GFRA2: variants seen among roughly 807,000 people sequenced by gnomAD.
GFRA2 encodes the protein GDNF family receptor alpha 2.
GFRA2 carries 17 observed loss-of-function variants against 48.3 expected under a neutral mutation model. The observed-to-expected ratio is 0.35, with a 90% confidence interval of 0.24 to 0.53. GFRA2 has a LOEUF of 0.53. GFRA2 is among the 20% of genes least tolerant of loss of function. The pLI is 0.93. For synonymous variants in GFRA2, 305 were observed against 257.2 expected (o/e 1.19, Z -1.78); for missense variants, 660 against 637.3 (o/e 1.04, Z -0.38).
At chr8:21,758,509 C>T (rs945816589) in intron 3 of GFRA2, among the ~76,000 whole-genome samples, 3 of 152,118 alleles carry the variant, frequency 2.0e-5, no homozygotes, top group East Asian at 1.9e-4. Flanking sequence ...CTGCAGTGTC[C>T]GTCCCTGAGC....
intron 3 of GFRA2, among the ~76,000 whole-genome samples, chr8:21,755,187 A>C (rs1156305013): frequency 6.6e-6 from 1 of 152,176 alleles, no homozygotes; most frequent in Non-Finnish European, 1.5e-5. Context: ...TACAACACCA[A>C]GAGTGAACTC....
rs1205312282 is a variant in GFRA2, at chr8:21,706,439, C to G, written c.795-398G>C. ...GGCTGCAGCCCTGGATGAGCCTGCC[C>G]AAGTCCTTCAACCCGGCACTGCAAA... On this transcript the variant is annotated intron_variant, in intron 4 of 8. Transcript: ENST00000524240. 2.6e-5 allele frequency: 12 copies of G among 461,838 alleles called. No individual in the cohort carries two copies. In the Admixed American group the frequency reaches 2.8e-4, roughly 11 times the overall value. The allele number at this position is 461,838 out of a possible 1,614,324, so 28.6% of individuals were successfully genotyped here. A position where few individuals can be genotyped will look rare whatever the true frequency, so the allele number is the denominator to read the frequency against.
chr8:21,786,096 G>C (rs1807255111), intron 1 of GFRA2, among the ~76,000 whole-genome samples: 1 of 152,230 alleles, frequency 6.6e-6, no homozygotes, highest in Non-Finnish European at 1.5e-5. Context: ...TGTGGAGCAA[G>C]GGGATGCTGA....
At chr8:21,812,170 GACAGAAATGGC>G (rs1563274366) in intron 1 of GFRA2, 3 of 152,376 alleles carry the variant, frequency 2.0e-5, no homozygotes, top group African/African-American at 7.2e-5. Context: ...GCAGTCCTGG[GACAGAAATGGC>G]CCAGGACAAA....
intron 4 of GFRA2, among the ~76,000 whole-genome samples, chr8:21,730,863 T>A (rs1804153495): frequency 1.3e-5 from 2 of 152,042 alleles, no homozygotes; most frequent in South Asian, 4.2e-4. Context: ...AATCATAGTG[T>A]AGGAAGCACA....
chr8:21,758,303 C>A (rs940199107), intron 3 of GFRA2, among the ~76,000 whole-genome samples: 1 of 152,110 alleles, frequency 6.6e-6, no homozygotes, highest in South Asian at 2.1e-4. Context: ...CACCTAGGCA[C>A]GCCCTTCAAC....
chr8:21,761,543 C>T (rs576168659), intron 3 of GFRA2, among the ~76,000 whole-genome samples: 1 of 152,326 alleles, frequency 6.6e-6, no homozygotes, highest in African/African-American at 2.4e-5. Context: ...TGGGATAGAA[C>T]ATCTACCTGC....
At chr8:21,766,691 C>G (rs1036595523) in intron 3 of GFRA2, among the ~76,000 whole-genome samples, 1 of 149,472 alleles carries the variant, frequency 6.7e-6, no homozygotes, top group Non-Finnish European at 1.5e-5. Context: ...GGGGTCATTC[C>G]CCTGATGGTC....
At chr8:21,763,146 A>T (rs1054776879) in intron 3 of GFRA2, among the ~76,000 whole-genome samples, 3 of 152,238 alleles carry the variant, frequency 2.0e-5, no homozygotes, top group African/African-American at 4.8e-5. Flanking sequence ...CATTTGCAAA[A>T]ATCTTCAAAA....
rs565695887 is a variant in GFRA2 at position 21,767,026 on chromosome 8, C to T, written c.439+7946G>A. 8.0e-5 allele frequency among the ~76,000 whole-genome samples: 10 copies of T among 125,544 alleles called. 1 individual carries two copies. In the South Asian group the frequency reaches 2.8e-3, roughly 35 times the overall value. 82.4% of individuals were successfully genotyped at this position (125,544 alleles called of 152,430 possible). The stretch of plus-strand genomic sequence containing the variant: ...TACATACACCAGCACATATATTACA[C>T]ACACTGCCATGCACAAAACCACCAC... On this transcript the variant is annotated intron_variant, in intron 3 of 8. Coordinates refer to ENST00000524240, the MANE Select transcript of GFRA2 (RefSeq NM_001495.5).
At chr8:21,769,559 A>G (rs1323483508) in intron 3 of GFRA2, among the ~76,000 whole-genome samples, 2 of 152,142 alleles carry the variant, frequency 1.3e-5, no homozygotes, top group Admixed American at 1.3e-4. Context: ...CTCCCACAGT[A>G]GGGTAAGGCC....
intron 4 of GFRA2, among the ~76,000 whole-genome samples, chr8:21,729,695 C>T (rs1263560461): frequency 6.6e-6 from 1 of 152,206 alleles, no homozygotes; most frequent in Non-Finnish European, 1.5e-5. Context: ...TTCGCTCACA[C>T]AGCCTGGTAC....
At position 21,750,817 on chromosome 8, in the gene GFRA2, T is replaced by A; in HGVS notation, c.565A>T (p.Ile189Phe). ...SSYISICNREISPTERCNRRK... is the reference protein window; with the variant it reads ...SSYISICNREFSPTERCNRRK... ...CGGTTGCAGCGCTCGGTGGGCGAGA[T>A]CTCGCGGTTGCAGATGGAGATGTAG... is the stretch of plus-strand genomic sequence containing the variant. Residue 189 changes from isoleucine (I) to phenylalanine (F), a missense_variant, in exon 4 of 9, where the codon ATC (isoleucine) becomes TTC (phenylalanine). Transcript: ENST00000524240. The surrounding 1 kb of genome is among the most constrained non-coding windows in gnomAD (Gnocchi z 5.7). 4 of 1,613,956 alleles carry A rather than the reference T, an allele frequency of 2.5e-6. No individual in the cohort carries two copies. Among genetic ancestry groups the A allele is most frequent in the Non-Finnish European group, 3.4e-6 (4 of 1,179,876 alleles).
intron 4 of GFRA2, among the ~76,000 whole-genome samples, chr8:21,723,616 C>T (rs540418894): frequency 2.0e-4 from 30 of 152,316 alleles, no homozygotes; most frequent in Admixed American, 2.0e-3. Flanking sequence ...GTTCCACCAC[C>T]ACCCTCTGAT....
intron 5 of GFRA2, 83 bp from the exon 6 acceptor site, chr8:21,705,208 C>T (rs1046099619): frequency 4.2e-6 from 6 of 1,427,316 alleles, no homozygotes; most frequent in Middle Eastern, 2.5e-4. Context: ...CCAGGCACAG[C>T]AGGGCAGAGG....
intron 3 of GFRA2, among the ~76,000 whole-genome samples, chr8:21,772,232 G>T (rs1027881362): frequency 6.6e-6 from 1 of 152,102 alleles, no homozygotes; most frequent in Admixed American, 6.6e-5. Flanking sequence ...CATTGGAACC[G>T]CCTCCCAGCT....
intron 2 of GFRA2, among the ~76,000 whole-genome samples, chr8:21,782,259 C>T (rs1376909085): frequency 6.6e-6 from 1 of 151,568 alleles, no homozygotes; most frequent in East Asian, 2.0e-4. Context: ...CGTGGTCTTG[C>T]TCCTACCCAA....
In GFRA2 at chr8:21,778,212, A is replaced by T. The variant is rs1030896553; in HGVS notation, c.356-3157T>A. Among the ~76,000 whole-genome samples the T allele has an allele frequency of 2.1e-5, 3 of 145,056 alleles. No homozygotes were observed. The East Asian group carries it at 6.3e-4, about 30-fold the overall frequency. The stretch of plus-strand genomic sequence containing the variant: ...ATCAGGTTATTAAATGTTATCAAGG[A>T]ACAGGGAGGAAGGACTCGCAGCCTC... On this transcript the variant is annotated intron_variant, in intron 2 of 8. Coordinates refer to ENST00000524240, the MANE Select transcript of GFRA2 (RefSeq NM_001495.5).
Position 21,750,107 on chromosome 8 carries a change from A to ACACACG in GFRA2, c.794+480_794+481insCGTGTG, listed in dbSNP as rs201515239. 3.1e-3 allele frequency among the ~76,000 whole-genome samples: 468 copies of ACACACG among 150,748 alleles called. 2 individuals are homozygous for ACACACG. The highest frequency in any genetic ancestry group is 0.01 in the African/African-American group (423 of 40,940). ...TGTGTATACACACACACACACACAC[A>ACACACG]CACGCACATATATAGGTAGAGACTG... On this transcript the variant is annotated intron_variant, in intron 4 of 8. Transcript: ENST00000524240. This position sits in a 1 kb window ranked among gnomAD's most constrained non-coding sequence, Gnocchi z 5.7.
Sources: allele counts gnomAD v4.1 joint callset (sites outside exome capture counted in the v4.1 genomes callset), GRCh38; gene constraint gnomAD v4.1.1; non-coding constraint Gnocchi (gnomAD v3.1); transcripts MANE v1.5; gene names NCBI Gene and HGNC (gene_info 2026-07-23, HGNC 2026-07-21).